ACSL4: variants seen among roughly 807,000 people sequenced by gnomAD.
ACSL4 encodes acyl-CoA synthetase long chain family member 4.
In ACSL4, 9 loss-of-function variants were observed where a neutral mutation model predicts 49.1. The ratio of observed to expected loss-of-function variants is 0.18; its 90% CI spans 0.11 to 0.32. ACSL4 has a LOEUF of 0.32. ACSL4 is among the 10% of genes least tolerant of loss of function. ACSL4 has a pLI of 1.00. For missense variants in ACSL4, 333 were observed against 493.7 expected, an observed-to-expected ratio of 0.67 and a Z score of 3.08; for synonymous variants, 191 against 170.3, an observed-to-expected ratio of 1.12 and a Z score of -0.95.
chrX:109,713,831 C>T (rs1286700921), intron 1 of ACSL4, among the ~76,000 whole-genome samples: 2 of 112,034 alleles, frequency 1.8e-5, no homozygotes, highest in Non-Finnish European at 3.8e-5. Context: ...CAGTCAATGA[C>T]GGACTGCATA....
chrX:109,661,040 T>G (rs1922134600), intron 14 of ACSL4, among the ~76,000 whole-genome samples: 1 of 111,720 alleles, frequency 9.0e-6, no homozygotes. Context: ...ACTACTGAAC[T>G]GTACATTTAG....
chrX:109,703,978 GT>G (rs1206379189), intron 1 of ACSL4, among the ~76,000 whole-genome samples: 1 of 110,894 alleles, frequency 9.0e-6, no homozygotes, highest in Non-Finnish European at 1.9e-5. Flanking sequence ...ATATTGTGGG[GT>G]TTTTTTGTTG....
chrX:109,672,080 A>T (rs1236078368), intron 9 of ACSL4, among the ~76,000 whole-genome samples: 1 of 33,390 alleles, frequency 3.0e-5, no homozygotes, highest in Admixed American at 5.4e-4. Context: ...AATAAATACT[A>T]AAAAAAAAAA....
At chrX:109,700,067 G>A (rs1925759333) in intron 1 of ACSL4, among the ~76,000 whole-genome samples, 1 of 108,408 alleles carries the variant, frequency 9.2e-6, no homozygotes, top group Admixed American at 1.0e-4. Flanking sequence ...AATTAGCCAG[G>A]CGTGGTGGTG....
chrX:109,657,811 C>T (rs925882297), intron 15 of ACSL4, among the ~76,000 whole-genome samples: 3 of 111,458 alleles, frequency 2.7e-5, no homozygotes, highest in Non-Finnish European at 5.7e-5. Flanking sequence ...CCACAATGGT[C>T]GAACTAGTTT....
At chrX:109,647,570 A>C (rs1360550873) in intron 15 of ACSL4, among the ~76,000 whole-genome samples, 1 of 112,062 alleles carries the variant, frequency 8.9e-6, no homozygotes, top group African/African-American at 3.2e-5. Flanking sequence ...AAGAGAAAGC[A>C]GGAAAGATCT....
intron 11 of ACSL4, among the ~76,000 whole-genome samples, chrX:109,667,493 G>A (rs1174677927): frequency 3.5e-5 from 4 of 112,745 alleles, no homozygotes; most frequent in Non-Finnish European, 7.5e-5. Context: ...GAGCATAAAA[G>A]TGATACTTCA....
At chrX:109,649,830 GA>G (rs1934933824) in intron 15 of ACSL4, among the ~76,000 whole-genome samples, 1 of 106,558 alleles carries the variant, frequency 9.4e-6, no homozygotes, top group Admixed American at 1.0e-4. Flanking sequence ...AAATTTACAA[GA>G]AAAAAACAAA....
chrX:109,663,188 C>A (rs769440110), intron 13 of ACSL4, 23 bp downstream of exon 13: 3 of 1,169,934 alleles, frequency 2.6e-6, no homozygotes, highest in Non-Finnish European at 3.5e-6. Flanking sequence ...CTAAAGAAAA[C>A]CATAAAAAGA....
intron 15 of ACSL4, among the ~76,000 whole-genome samples, chrX:109,649,368 G>A (rs770111390): frequency 2.7e-5 from 3 of 110,934 alleles, no homozygotes; most frequent in Admixed American, 9.6e-5. Context: ...CACAAATAAC[G>A]CCACATATCT....
chrX:109,724,725 A>G (rs112633584), intron 1 of ACSL4, among the ~76,000 whole-genome samples: 31 of 107,211 alleles, frequency 2.9e-4, no homozygotes, highest in African/African-American at 1.0e-3. Context: ...CAGCCTGGCC[A>G]ACATGGCGAA....
intron 2 of ACSL4, among the ~76,000 whole-genome samples, chrX:109,693,035 C>G (rs747708342): frequency 9.0e-6 from 1 of 111,431 alleles, no homozygotes; most frequent in Non-Finnish European, 1.9e-5. Flanking sequence ...ATTCATGTTA[C>G]AGGGAGAATT....
At chrX:109,652,294 G>A (rs1473836688) in intron 15 of ACSL4, among the ~76,000 whole-genome samples, 2 of 111,736 alleles carry the variant, frequency 1.8e-5, no homozygotes, top group African/African-American at 6.5e-5. Flanking sequence ...TAAATCCTTT[G>A]TGGCACAAAA....
chrX:109,695,841 C>G (rs912241605), intron 2 of ACSL4: 4 of 112,008 alleles, frequency 3.6e-5, no homozygotes, highest in African/African-American at 9.8e-5. Context: ...TAGTCAGAAC[C>G]AGAACTCCAA....
intron 15 of ACSL4, among the ~76,000 whole-genome samples, chrX:109,651,948 T>C (rs769500446): frequency 9.0e-6 from 1 of 111,647 alleles, no homozygotes; most frequent in Non-Finnish European, 1.9e-5. Context: ...ATAGAATAAA[T>C]TGCCAACAAG....
chrX:109,706,240 A>T (rs1162411706), intron 1 of ACSL4, among the ~76,000 whole-genome samples: 1 of 112,367 alleles, frequency 8.9e-6, no homozygotes, highest in Admixed American at 9.4e-5. Context: ...ATGACTAAGA[A>T]GCTAAAATAG....
At chrX:109,672,766 A>G (rs1285344156) in intron 9 of ACSL4, among the ~76,000 whole-genome samples, 1 of 110,100 alleles carries the variant, frequency 9.1e-6, no homozygotes, top group Non-Finnish European at 1.9e-5. Flanking sequence ...GCCGCAAGAC[A>G]TAAGACAAGT....
At chrX:109,712,785 G>A (rs1210394928) in intron 1 of ACSL4, among the ~76,000 whole-genome samples, 4 of 111,091 alleles carry the variant, frequency 3.6e-5, no homozygotes, top group Admixed American at 2.9e-4. Flanking sequence ...GACCAGCCTG[G>A]GCAACATGGG....
At position 109,681,112 on chromosome X, in the gene ACSL4, C is replaced by G; in HGVS notation, c.541G>C (p.Val181Leu). The G allele has an allele frequency of 8.3e-7, 1 of 1,209,974 alleles. No individual in the cohort carries two copies. The highest frequency in any genetic ancestry group is 1.1e-6 in the Non-Finnish European group (1 of 894,688). ...TTGTCCACATAAATGATATGTTTAA[C>G]ACAACTGATATCTAACAATGCAGTC... is the stretch of plus-strand genomic sequence containing the variant. ...LKTALLDISC[V>L]KHIIYVDNKA... The change falls in exon 6 of 16, where the codon GTT becomes CTT. Residue 181 changes from valine to leucine, a missense_variant. Around this residue, in one of 3 missense-constraint regions of ACSL4, gnomAD observed 157 missense variants for 201.1 expected, o/e 0.78. Transcript: ENST00000672401.
Sources: allele counts gnomAD v4.1 joint callset (sites outside exome capture counted in the v4.1 genomes callset), GRCh38; gene constraint gnomAD v4.1.1; regional missense constraint gnomAD v4.1.1; transcripts MANE v1.5; gene names NCBI Gene and HGNC (gene_info 2026-07-23, HGNC 2026-07-21).